The following SLC30A9 variants were observed in gnomAD, a reference collection of about 807,000 sequenced individuals.
SLC30A9 encodes proton-coupled zinc antiporter SLC30A9, mitochondrial.
SLC30A9 carries 58 observed loss-of-function variants against 87.5 expected under a neutral mutation model. The observed-to-expected ratio is 0.66, with a 90% CI of 0.54 to 0.82. SLC30A9 has a LOEUF of 0.82. SLC30A9 is among the 40% of genes least tolerant of loss of function. The pLI, the probability that SLC30A9 is intolerant of heterozygous loss-of-function variation, is 0.00. For synonymous variants in SLC30A9, 234 were observed against 233.0 expected, an observed-to-expected ratio of 1.00 and a Z score of -0.04; for missense variants, 557 against 679.1, an observed-to-expected ratio of 0.82 and a Z score of 2.00.
intron 2 of SLC30A9, among the ~76,000 whole-genome samples, chr4:42,017,356 C>A (rs578217070): frequency 7.7e-6 from 1 of 129,904 alleles, no homozygotes. Context: ...TCTCAGTTTG[C>A]GGCCTTTCTT....
Position 42,086,348 on chromosome 4 carries a change from A to G in SLC30A9, c.*222A>G, listed in dbSNP as rs1718926057. 1 of 375,348 alleles carries G rather than the reference A, an allele frequency of 2.7e-6. No homozygotes were observed. The highest frequency in any genetic ancestry group is 1.2e-4 in the South Asian group (1 of 8,492). The allele number at this position is 375,348 out of a possible 1,614,324, so 23.3% of individuals were successfully genotyped here. On this transcript the variant is annotated 3_prime_UTR_variant, in exon 18 of 18. Transcript: ENST00000264451. The stretch of plus-strand genomic sequence containing the variant: ...CACTACAAGTTGAATCAATTTGAAA[A>G]TCATGTTTTTATGCTTCCATAGGGA...
In SLC30A9 at chr4:42,049,408, GC is replaced by G. The variant is rs1717298009; in HGVS notation, c.771del (p.Trp258GlyfsTer26). On this transcript the variant is annotated frameshift_variant, in exon 9 of 18. Coordinates refer to ENST00000264451, the MANE Select transcript of SLC30A9 (RefSeq NM_006345.4). LOFTEE classifies it high-confidence loss of function. ...ATTAAACTGCTTCTTTAAATTTCTT[GC>G]CTGGATTTATACCGGTTCAGCAAGT... is the stretch of plus-strand genomic sequence containing the variant. ...NGLNCFFKFL[A>X]WIYTGSASMF... The G allele has an allele frequency of 1.2e-6, 2 of 1,609,810 alleles. No individual in the cohort carries two copies. The highest frequency in any genetic ancestry group is 1.7e-6 in the Non-Finnish European group (2 of 1,177,474).
intron 6 of SLC30A9, among the ~76,000 whole-genome samples, chr4:42,023,651 C>T (rs1010036827): frequency 3.3e-5 from 5 of 152,090 alleles, no homozygotes; most frequent in African/African-American, 7.2e-5. Flanking sequence ...CAAAACTTAT[C>T]TGATTTAAAG....
At chr4:42,023,163 AAG>A in intron 5 of SLC30A9, 137 bp from the exon 6 acceptor site, 2 of 685,276 alleles carry the variant, frequency 2.9e-6, no homozygotes, top group Non-Finnish European at 5.1e-6. Flanking sequence ...TCATTTGGAA[AAG>A]TTCCTAAGTC....
chr4:42,030,539 G>GC (rs1444211299), intron 6 of SLC30A9, among the ~76,000 whole-genome samples: 2 of 148,510 alleles, frequency 1.3e-5, no homozygotes, highest in Non-Finnish European at 3.0e-5. Context: ...AGGTTTTGCT[G>GC]TCCAAGGTGT....
chr4:42,038,820 G>A lies in SLC30A9; in HGVS notation c.670-166G>A, dbSNP rs1455090516. On this transcript the variant is annotated intron_variant, in intron 7 of 17. Transcript: ENST00000264451. ...TGGAAAGAGACCCAGATATGCTTTC[G>A]GTTTTAATCTTTCCACTTTCTAAAC... is the stretch of plus-strand genomic sequence containing the variant. Among the ~76,000 whole-genome samples, 4 of 152,156 alleles carry A rather than the reference G, an allele frequency of 2.6e-5. No homozygotes were observed. The South Asian group carries it at 8.3e-4, about 32-fold the overall frequency.
chr4:42,027,709 A>G (rs1255577871), intron 6 of SLC30A9, among the ~76,000 whole-genome samples: 1 of 152,234 alleles, frequency 6.6e-6, no homozygotes, highest in East Asian at 1.9e-4. Context: ...CAGAAAAACT[A>G]GAGAATTTAA....
At chr4:42,030,600 G>GGGGGA in intron 6 of SLC30A9, among the ~76,000 whole-genome samples, 1 of 53,062 alleles carries the variant, frequency 1.9e-5, no homozygotes, top group Admixed American at 1.8e-4. Context: ...TTTTTTTTTT[G>GGGGGA]GGCTCTTTCA....
chr4:42,083,925 C>G (rs1376581786), intron 17 of SLC30A9, among the ~76,000 whole-genome samples: 2 of 152,130 alleles, frequency 1.3e-5, no homozygotes, highest in African/African-American at 2.4e-5. Flanking sequence ...CCAGGCACAC[C>G]TGAGCGACAC....
chr4:42,006,949 G>A (rs534844145), intron 2 of SLC30A9, among the ~76,000 whole-genome samples: 1 of 152,132 alleles, frequency 6.6e-6, no homozygotes, highest in African/African-American at 2.4e-5. Flanking sequence ...TCAGATCGGG[G>A]TCTTGTTTGG....
chr4:41,993,544 T>C (rs975093842), intron 1 of SLC30A9, among the ~76,000 whole-genome samples: 7 of 152,180 alleles, frequency 4.6e-5, no homozygotes, highest in African/African-American at 1.7e-4. Context: ...AACAGAGACT[T>C]TAAAGGGTTT....
intron 2 of SLC30A9, among the ~76,000 whole-genome samples, chr4:42,011,810 A>G (rs1430929390): frequency 2.6e-5 from 4 of 152,208 alleles, no homozygotes; most frequent in Non-Finnish European, 4.4e-5. Context: ...TTGCAGAAAT[A>G]AAACCAGAGC....
Position 42,070,543 on chromosome 4 carries a change from A to T in SLC30A9, c.1270A>T (p.Ser424Cys), listed in dbSNP as rs1346970991. 1 of 1,612,576 alleles carries T rather than the reference A, an allele frequency of 6.2e-7. No individual in the cohort carries two copies. The highest frequency in any genetic ancestry group is 8.5e-7 in the Non-Finnish European group (1 of 1,179,216). The change falls in exon 15 of 18, where the codon AGC becomes TGC. Residue 424 changes from serine to cysteine, a missense_variant. Ser to Cys is a moderately radical substitution (Grantham distance 112, BLOSUM62 -1). Around this residue, in one of 2 missense-constraint regions of SLC30A9, gnomAD observed 467 missense variants for 529.8 expected, o/e 0.88. Coordinates refer to ENST00000264451, the MANE Select transcript of SLC30A9 (RefSeq NM_006345.4). ...TCATTTAGGCAATCCACTGTATGAC[A>T]GCCTAGGTTCTTTGGGTGTGGGCAC... ...TSITGNPLYD[S>C]LGSLGVGTLL...
At chr4:42,039,948 A>G (rs1448939805) in intron 8 of SLC30A9, among the ~76,000 whole-genome samples, 1 of 152,190 alleles carries the variant, frequency 6.6e-6, no homozygotes, top group Non-Finnish European at 1.5e-5. Context: ...AAGATATAAT[A>G]CATAATTCTT....
At chr4:42,054,422 CA>C (rs1236040586) in intron 9 of SLC30A9, among the ~76,000 whole-genome samples, 2 of 151,586 alleles carry the variant, frequency 1.3e-5, no homozygotes, top group African/African-American at 4.8e-5. Flanking sequence ...AATTTTACCT[CA>C]AAAAAATTCT....
At chr4:42,037,169 C>G (rs1716708300) in intron 7 of SLC30A9, among the ~76,000 whole-genome samples, 1 of 149,408 alleles carries the variant, frequency 6.7e-6, no homozygotes, top group African/African-American at 2.5e-5. Context: ...TGGTTGTTCT[C>G]TCACTGAAGA....
intron 1 of SLC30A9, among the ~76,000 whole-genome samples, 155 bp from the exon 2 acceptor site, chr4:42,001,461 G>C (rs1714980206): frequency 6.6e-6 from 1 of 151,922 alleles, no homozygotes; most frequent in African/African-American, 2.4e-5. Flanking sequence ...TTACAAGTTA[G>C]AGAAAATTAG....
chr4:42,043,768 C>T (rs1005385789), intron 8 of SLC30A9, among the ~76,000 whole-genome samples: 1 of 152,138 alleles, frequency 6.6e-6, no homozygotes, highest in Non-Finnish European at 1.5e-5. Flanking sequence ...ACATAATCAT[C>T]AGATTCACCA....
intron 7 of SLC30A9, among the ~76,000 whole-genome samples, chr4:42,036,774 C>T (rs1393903041): frequency 2.0e-5 from 3 of 152,198 alleles, no homozygotes; most frequent in Admixed American, 6.5e-5. Flanking sequence ...TTCTGGCACC[C>T]CAGTACTGCC....
Sources: allele counts gnomAD v4.1 joint callset (sites outside exome capture counted in the v4.1 genomes callset), GRCh38; gene constraint gnomAD v4.1.1; regional missense constraint gnomAD v4.1.1; transcripts MANE v1.5; gene names NCBI Gene and HGNC (gene_info 2026-07-23, HGNC 2026-07-21).